ZZZ3: variants seen among roughly 807,000 people sequenced by gnomAD.
The protein encoded by ZZZ3 is zinc finger ZZ-type containing 3, also known as ZZ-type zinc finger-containing protein 3.
ZZZ3 carries 22 observed loss-of-function variants against 95.2 expected under a neutral mutation model. The observed-to-expected ratio is 0.23, with a 90% CI of 0.17 to 0.33. The LOEUF (loss-of-function observed/expected upper bound fraction) is 0.33. Among genes scored for constraint, ZZZ3 ranks in the 10% least tolerant of loss-of-function variants. ZZZ3 has a pLI of 1.00. For missense variants in ZZZ3, 885 were observed against 1,066.5 expected (o/e 0.83, Z 2.37); for synonymous variants, 335 against 358.9 (o/e 0.93, Z 0.75).
At chr1:77,616,503 G>C (rs1342748424) in intron 5 of ZZZ3, among the ~76,000 whole-genome samples, 1 of 152,184 alleles carries the variant, frequency 6.6e-6, no homozygotes, top group East Asian at 1.9e-4. Context: ...TTGAGCAATA[G>C]GTGGCTTTTC....
At chr1:77,650,692 C>T (rs1248641613) in intron 1 of ZZZ3, among the ~76,000 whole-genome samples, 2 of 148,840 alleles carry the variant, frequency 1.3e-5, no homozygotes, top group African/African-American at 4.9e-5. Flanking sequence ...ATACTATAAT[C>T]CACAGAAAAA....
chr1:77,634,192 A>T (rs1255833446), intron 4 of ZZZ3, among the ~76,000 whole-genome samples: 1 of 151,838 alleles, frequency 6.6e-6, no homozygotes, highest in Non-Finnish European at 1.5e-5. Flanking sequence ...ATAAATAAAT[A>T]AAATAAATAA....
At position 77,676,281 on chromosome 1, in the gene ZZZ3, C is replaced by T. The variant is rs562204390; in HGVS notation, c.-403+6304G>A. On this transcript the variant is annotated intron_variant, in intron 1 of 14. Transcript: ENST00000370801. ...TTTTGGGGTCAAGTGATCCTTCCAC[C>T]TCATCCTCCACAGTAGCTGAAAGTA... 2.0e-5 allele frequency among the ~76,000 whole-genome samples: 3 copies of T among 152,316 alleles called. No homozygotes were observed. In the South Asian group the frequency reaches 6.2e-4, roughly 32 times the overall value.
chr1:77,619,775 A>G (rs752761351), intron 5 of ZZZ3, among the ~76,000 whole-genome samples: 14 of 152,150 alleles, frequency 9.2e-5, no homozygotes, highest in Non-Finnish European at 1.6e-4. Context: ...CACATAGCTG[A>G]GTTAAATTAA....
intron 5 of ZZZ3, among the ~76,000 whole-genome samples, chr1:77,604,647 G>A (rs1665055604): frequency 6.6e-6 from 1 of 152,110 alleles, no homozygotes; most frequent in African/African-American, 2.4e-5. Flanking sequence ...GTATACTTTT[G>A]AATGTAAACA....
intron 3 of ZZZ3, chr1:77,640,959 G>A (rs1184290760): frequency 6.6e-6 from 1 of 152,186 alleles, no homozygotes; most frequent in East Asian, 1.9e-4. Context: ...CACAAGGTAG[G>A]AAAATTGTCT....
intron 5 of ZZZ3, among the ~76,000 whole-genome samples, chr1:77,616,135 CTCTT>C (rs1434984464): frequency 6.6e-6 from 1 of 152,134 alleles, no homozygotes; most frequent in Non-Finnish European, 1.5e-5. Context: ...GAAATCATGA[CTCTT>C]TCCCCCCTCA....
chr1:77,571,601 A>G (rs1661388108), intron 12 of ZZZ3, among the ~76,000 whole-genome samples: 1 of 152,236 alleles, frequency 6.6e-6, no homozygotes, highest in Non-Finnish European at 1.5e-5. Flanking sequence ...TGCAGCCTTA[A>G]AAAGGAAAGA....
intron 1 of ZZZ3, among the ~76,000 whole-genome samples, chr1:77,679,994 T>C (rs2101098241): frequency 6.6e-6 from 1 of 152,336 alleles, no homozygotes; most frequent in African/African-American, 2.4e-5. Flanking sequence ...CGTGGACTAT[T>C]AAAGGCCCAG....
At chr1:77,579,800 G>A (rs1387040819) in intron 9 of ZZZ3, 172 bp from the exon 10 acceptor site, 4 of 428,292 alleles carry the variant, frequency 9.3e-6, no homozygotes, top group Non-Finnish European at 1.6e-5. Context: ...AGAAACTTAA[G>A]ACTTCACAGG....
intron 5 of ZZZ3, among the ~76,000 whole-genome samples, chr1:77,626,080 AC>A (rs1667309445): frequency 6.6e-6 from 1 of 152,208 alleles, no homozygotes; most frequent in African/African-American, 2.4e-5. Context: ...ACTTTTAGAT[AC>A]CATCTACAGT....
intron 5 of ZZZ3, among the ~76,000 whole-genome samples, chr1:77,628,452 G>T (rs112089582): frequency 2.0e-5 from 3 of 152,130 alleles, no homozygotes; most frequent in Non-Finnish European, 4.4e-5. Flanking sequence ...GGATTTATGC[G>T]CTAGAGAAGA....
At chr1:77,604,173 G>A (rs1227299324) in intron 5 of ZZZ3, among the ~76,000 whole-genome samples, 2 of 152,062 alleles carry the variant, frequency 1.3e-5, no homozygotes, top group Non-Finnish European at 2.9e-5. Context: ...TATTGTAGTG[G>A]GACGCCGTTT....
chr1:77,665,767 G>T (rs1199594347), intron 1 of ZZZ3, among the ~76,000 whole-genome samples: 2 of 152,202 alleles, frequency 1.3e-5, no homozygotes, highest in African/African-American at 4.8e-5. Flanking sequence ...GGGAAGCCAG[G>T]TGTGGTGGCT....
intron 1 of ZZZ3, among the ~76,000 whole-genome samples, chr1:77,670,667 C>T (rs1671693719): frequency 6.6e-6 from 1 of 151,502 alleles, no homozygotes; most frequent in African/African-American, 2.4e-5. Context: ...GGATGGATAA[C>T]AACACCTTGA....
intron 1 of ZZZ3, among the ~76,000 whole-genome samples, chr1:77,670,663 A>G (rs1305939902): frequency 6.6e-6 from 1 of 152,130 alleles, no homozygotes; most frequent in Non-Finnish European, 1.5e-5. Flanking sequence ...GTTTGGATGG[A>G]TAACAACACC....
intron 5 of ZZZ3, among the ~76,000 whole-genome samples, chr1:77,613,876 T>A (rs1251879951): frequency 2.6e-5 from 4 of 152,130 alleles, no homozygotes; most frequent in African/African-American, 9.7e-5. Flanking sequence ...TTTTAATATA[T>A]CAAAAATTTC....
chr1:77,584,675 T>C lies in ZZZ3; in HGVS notation c.1506-20A>G, dbSNP rs1194309056. Reference sequence around the variant, plus strand: ...TGATAACTACAGAGACAAAGAAAAATATTTCACAAAAATTTTCTAGTAACA... The same window carrying C: ...TGATAACTACAGAGACAAAGAAAAACATTTCACAAAAATTTTCTAGTAACA... On this transcript the variant is annotated intron_variant, in intron 5 of 14. Coordinates refer to ENST00000370801, the MANE Select transcript of ZZZ3 (RefSeq NM_015534.6). The C allele has an allele frequency of 1.3e-6, 2 of 1,528,066 alleles. No homozygotes were observed. Among genetic ancestry groups the C allele is most frequent in the Admixed American group, 2.3e-5 (1 of 43,238 alleles). The allele number at this position is 1,528,066 out of a possible 1,614,324, so 94.7% of individuals were successfully genotyped here. A position where few individuals can be genotyped will look rare whatever the true frequency, so the allele number is the denominator to read the frequency against.
At position 77,565,464 on chromosome 1, in the gene ZZZ3, A is replaced by G. The variant is rs1660732028; in HGVS notation, c.*176T>C. 7 of 569,598 alleles carry G rather than the reference A, an allele frequency of 1.2e-5. No individual in the cohort carries two copies. The allele number at this position is 569,598 out of a possible 1,614,324, so 35.3% of individuals were successfully genotyped here. ...CACCAGGAATGTTCAGCTGCTGAAC[A>G]GTGATCTAGAGCCACAACGGTGCAG... On this transcript the variant is annotated 3_prime_UTR_variant, in exon 15 of 15. Coordinates refer to ENST00000370801, the MANE Select transcript of ZZZ3 (RefSeq NM_015534.6).
Sources: gnomAD v4.1 joint callset for allele counts (sites outside exome capture counted in the v4.1 genomes callset) on GRCh38, gnomAD v4.1.1 for gene constraint, MANE v1.5 for transcripts, NCBI Gene and HGNC (gene_info 2026-07-23, HGNC 2026-07-21) for gene names.